SEPTIN9: variants seen among roughly 807,000 people sequenced by gnomAD.
SEPTIN9 encodes septin-9.
Under a neutral mutation model 56.6 loss-of-function variants are expected in SEPTIN9, and 13 were observed. That is an observed-to-expected ratio of 0.23 (90% confidence interval 0.15 to 0.37). The LOEUF (loss-of-function observed/expected upper bound fraction) is 0.37. Among genes scored for constraint, SEPTIN9 ranks in the 10% least tolerant of loss-of-function variants. The probability of loss-of-function intolerance (pLI) is 1.00; values close to 1 mark genes in which losing one functional copy is unlikely to be tolerated. For missense variants in SEPTIN9, 650 were observed against 823.1 expected (o/e 0.79, Z 2.57); for synonymous variants, 332 against 334.1 (o/e 0.99, Z 0.07).
chr17:77,402,501 C>A lies in SEPTIN9; in HGVS notation c.519C>A (p.Pro173=). The A allele has an allele frequency of 6.2e-7, 1 of 1,603,512 alleles. No homozygotes were observed. Among genetic ancestry groups the A allele is most frequent in the South Asian group, 1.1e-5 (1 of 89,548 alleles). ...RRMEPPASKV[P]EVPTAPATDA... ...TGGAGCCCCCTGCCTCCAAGGTCCC[C>A]GAGGTGCCCACTGCCCCTGCCACCG... The change falls in exon 3 of 12, where the codon CCC becomes CCA. Residue 173 remains proline, a synonymous_variant. Transcript: ENST00000427177. The surrounding 1 kb of genome is among the most constrained non-coding windows in gnomAD (Gnocchi z 6.6).
rs1030410572 is a variant in SEPTIN9, at chr17:77,329,349, G to C, written c.76+22152G>C. On this transcript the variant is annotated intron_variant, in intron 2 of 11. Transcript: ENST00000427177. This position sits in a 1 kb window ranked among gnomAD's most constrained non-coding sequence, Gnocchi z 4.3. ...TGGCTGCCCCCGTCAGCATCCAGCA[G>C]AGGCCACTGGATGCTGACAGGTGGC... Among the ~76,000 whole-genome samples, 14 of 152,220 alleles carry C rather than the reference G, an allele frequency of 9.2e-5. No homozygotes were observed. Among genetic ancestry groups the C allele is most frequent in the Non-Finnish European group, 1.8e-4 (12 of 68,034 alleles).
At chr17:77,412,012 C>T (rs2036321077) in intron 3 of SEPTIN9, among the ~76,000 whole-genome samples, 1 of 151,830 alleles carries the variant, frequency 6.6e-6, no homozygotes, top group Admixed American at 6.6e-5. Context: ...TGCCTGTAGT[C>T]CCAGTTACTC....
chr17:77,387,252 C>T lies in SEPTIN9; in HGVS notation c.77-14807C>T, dbSNP rs372488053. On this transcript the variant is annotated intron_variant, in intron 2 of 11. Transcript: ENST00000427177. ...CTCTCTCCCAGCTTCTGGTGGCTCCCGGGTGCTCCTGGGCATGTAGATGCG... is the reference window on the plus strand; with the variant it reads ...CTCTCTCCCAGCTTCTGGTGGCTCCTGGGTGCTCCTGGGCATGTAGATGCG... Among the ~76,000 whole-genome samples, 927 of 152,324 alleles carry T rather than the reference C, an allele frequency of 6.1e-3. 9 individuals are homozygous for T. The highest frequency in any genetic ancestry group is 0.02 in the African/African-American group (846 of 41,574).
At chr17:77,373,451 G>C (rs1189206365) in intron 2 of SEPTIN9, 23 of 1,489,754 alleles carry the variant, frequency 1.5e-5, no homozygotes, top group Non-Finnish European at 1.9e-5. Context: ...CGCCGGGGGC[G>C]CTTCCTCGCC....
chr17:77,336,999 T>G (rs1052679151), intron 2 of SEPTIN9, among the ~76,000 whole-genome samples: 10 of 22,178 alleles, frequency 4.5e-4, no homozygotes, highest in African/African-American at 8.5e-4. Flanking sequence ...TTGCCCCCCG[T>G]TTTTTTTTTT....
In SEPTIN9 at chr17:77,451,573, C is replaced by T. The variant is rs376368089; in HGVS notation, c.722-30571C>T. The T allele has an allele frequency of 1.8e-5, 18 of 983,786 alleles. No homozygotes were observed. The highest frequency in any genetic ancestry group is 1.8e-5 in the Non-Finnish European group (15 of 828,430). The allele number at this position is 983,786 out of a possible 1,614,324, so 60.9% of individuals were successfully genotyped here. A position where few individuals can be genotyped will look rare whatever the true frequency, so the allele number is the denominator to read the frequency against. ...TCTTCCCAGCCTTGCACCACTGGCTCGGGGGCTCTCAGGTGGCGCGGCCGC... is the reference window on the plus strand; with the variant it reads ...TCTTCCCAGCCTTGCACCACTGGCTTGGGGGCTCTCAGGTGGCGCGGCCGC... On this transcript the variant is annotated intron_variant, in intron 3 of 11. Transcript: ENST00000427177. This position sits in a 1 kb window ranked among gnomAD's most constrained non-coding sequence, Gnocchi z 4.2.
At position 77,281,522 on chromosome 17, in the gene SEPTIN9, GC is replaced by G; in HGVS notation, c.-12del. ...CCGCCACACTTTCCTGGGAGCGGCG[GC>G]CACGGAGGCACCATGAAGAAGTCTT... On this transcript the variant is annotated 5_prime_UTR_variant, in exon 1 of 12. Transcript: ENST00000427177. 6.5e-7 allele frequency: 1 copy of G among 1,548,212 alleles called. No homozygotes were observed. The highest frequency in any genetic ancestry group is 1.2e-5 in the South Asian group (1 of 83,870).
intron 7 of SEPTIN9, among the ~76,000 whole-genome samples, chr17:77,489,255 G>A (rs916193203): frequency 1.3e-5 from 2 of 152,208 alleles, no homozygotes; most frequent in Non-Finnish European, 2.9e-5. Flanking sequence ...GGACCCCTTA[G>A]AGGGTTTGGT....
chr17:77,320,406 T>G, intron 2 of SEPTIN9: 1 of 1,453,612 alleles, frequency 6.9e-7, no homozygotes, highest in Non-Finnish European at 9.7e-7. Context: ...CTCGGGGCTT[T>G]ATTTATGCCT....
chr17:77,321,680 G>T (rs778800471), intron 2 of SEPTIN9, among the ~76,000 whole-genome samples: 6 of 152,154 alleles, frequency 3.9e-5, no homozygotes, highest in Admixed American at 6.5e-5. Context: ...GAGCCACGGC[G>T]CCCGGCCTCA....
At chr17:77,473,903 T>A (rs1568099601) in intron 3 of SEPTIN9, among the ~76,000 whole-genome samples, 1 of 152,178 alleles carries the variant, frequency 6.6e-6, no homozygotes, top group Non-Finnish European at 1.5e-5. Flanking sequence ...TCGTCTACCA[T>A]TATTGTCTAT....
rs189609913 is a variant in SEPTIN9, at chr17:77,475,477, G to T, written c.722-6667G>T. The T allele has an allele frequency of 6.0e-5, 96 of 1,587,636 alleles. No individual in the cohort carries two copies. Among genetic ancestry groups the T allele is most frequent in the Admixed American group, 2.8e-4 (16 of 57,036 alleles). The stretch of plus-strand genomic sequence containing the variant: ...AGCTTTAAGAAGCCCCTTTGTGGGG[G>T]ACAGGGAGCATCTGTTAGTTTATAG... On this transcript the variant is annotated intron_variant, in intron 3 of 11. Coordinates refer to ENST00000427177, the MANE Select transcript of SEPTIN9 (RefSeq NM_001113491.2). The surrounding 1 kb of genome is among the most constrained non-coding windows in gnomAD (Gnocchi z 4.6).
intron 2 of SEPTIN9, among the ~76,000 whole-genome samples, chr17:77,325,006 A>C (rs1183854242): frequency 6.6e-6 from 1 of 151,846 alleles, no homozygotes; most frequent in Non-Finnish European, 1.5e-5. Flanking sequence ...TTTAGTAGAG[A>C]CGGGGTTTCA....
At chr17:77,394,629 T>A (rs1389903136) in intron 2 of SEPTIN9, among the ~76,000 whole-genome samples, 1 of 152,218 alleles carries the variant, frequency 6.6e-6, no homozygotes, top group Non-Finnish European at 1.5e-5. Context: ...TACCATTTCT[T>A]TGCATGACAT....
chr17:77,395,882 G>A (rs543409191), intron 2 of SEPTIN9, among the ~76,000 whole-genome samples: 1 of 152,348 alleles, frequency 6.6e-6, no homozygotes, highest in Admixed American at 6.5e-5. Context: ...TCCAGGTTTT[G>A]TCAGTTTAAT....
At position 77,487,083 on chromosome 17, in the gene SEPTIN9, C is replaced by T. The variant is rs936723267; in HGVS notation, c.914-341C>T. On this transcript the variant is annotated intron_variant, in intron 4 of 11. Coordinates refer to ENST00000427177, the MANE Select transcript of SEPTIN9 (RefSeq NM_001113491.2). The surrounding 1 kb of genome is among the most constrained non-coding windows in gnomAD (Gnocchi z 4.3). ...GCTCCTCCGCCAGCCCGGCCTCTGT[C>T]CTGTCCAAAATCTGAGCCACCAGGA... Among the ~76,000 whole-genome samples, 1 of 152,196 alleles carries T rather than the reference C, an allele frequency of 6.6e-6. No homozygotes were observed. Among genetic ancestry groups the T allele is most frequent in the Admixed American group, 6.5e-5 (1 of 15,288 alleles).
chr17:77,373,649 A>G (rs1393935064), intron 2 of SEPTIN9: 2 of 1,492,350 alleles, frequency 1.3e-6, no homozygotes, highest in African/African-American at 1.5e-5. Flanking sequence ...GGGAGACGGG[A>G]GTGCGCTGAG....
intron 1 of SEPTIN9, among the ~76,000 whole-genome samples, chr17:77,303,200 A>G (rs1359843505): frequency 6.6e-6 from 1 of 151,920 alleles, no homozygotes; most frequent in East Asian, 2.0e-4. Context: ...TCCTGGGTTC[A>G]AGCGATTCTC....
intron 3 of SEPTIN9, among the ~76,000 whole-genome samples, chr17:77,413,958 C>CGCT (rs747154782): frequency 1.5e-5 from 1 of 67,992 alleles, no homozygotes; most frequent in South Asian, 4.1e-4. Context: ...TTTTTTTTTT[C>CGCT]CCCTCTCTCT....
Sources: allele counts gnomAD v4.1 joint callset (sites outside exome capture counted in the v4.1 genomes callset), GRCh38; gene constraint gnomAD v4.1.1; non-coding constraint Gnocchi (gnomAD v3.1); transcripts MANE v1.5; gene names NCBI Gene and HGNC (gene_info 2026-07-23, HGNC 2026-07-21).